Variants in PCDH15 observed in about 807,000 individuals in gnomAD.
The protein encoded by PCDH15 is protocadherin-15.
A neutral mutation model predicts 178.5 loss-of-function variants in PCDH15; 129 were observed. That is an observed-to-expected ratio of 0.72 (90% CI 0.63 to 0.84). The LOEUF (loss-of-function observed/expected upper bound fraction) is 0.84. Among genes scored for constraint, PCDH15 ranks in the 40% least tolerant of loss-of-function variants. The probability of loss-of-function intolerance (pLI) is 0.00; values close to 1 mark genes in which losing one functional copy is unlikely to be tolerated. For synonymous variants in PCDH15, 800 were observed against 732.0 expected (o/e 1.09, Z -1.50); for missense variants, 2,230 against 2,099.9 (o/e 1.06, Z -1.21).
chr10:53,846,016 ATG>A lies in PCDH15; in HGVS notation c.3807-5522_3807-5521del, dbSNP rs1354617886. ...TACAACTAGGTTATATCAATAGTGTATGTGTATACACACACACACACACACAC... is the reference window on the plus strand; with the variant it reads ...TACAACTAGGTTATATCAATAGTGTATGTATACACACACACACACACACAC... On this transcript the variant is annotated intron_variant, in intron 28 of 37. Transcript: ENST00000644397. 4.1e-4 allele frequency among the ~76,000 whole-genome samples: 55 copies of A among 133,138 alleles called. No individual in the cohort carries two copies. In the South Asian group the frequency reaches 8.9e-3, roughly 22 times the overall value. The allele number at this position is 133,138 out of a possible 152,430, so 87.3% of individuals were successfully genotyped here.
intron 20 of PCDH15, among the ~76,000 whole-genome samples, chr10:54,000,484 T>C (rs2092080789): frequency 1.3e-5 from 2 of 151,886 alleles, no homozygotes; most frequent in South Asian, 4.1e-4. Flanking sequence ...AACAAAGAGA[T>C]TGAAATAATT....
chr10:54,220,989 T>C (rs2052743575), intron 9 of PCDH15, among the ~76,000 whole-genome samples: 1 of 151,922 alleles, frequency 6.6e-6, no homozygotes, highest in Non-Finnish European at 1.5e-5. Flanking sequence ...TGTTTGTGCT[T>C]TCATTATACA....
intron 2 of PCDH15, among the ~76,000 whole-genome samples, chr10:55,497,987 G>T (rs2132135734): frequency 6.6e-6 from 1 of 151,926 alleles, no homozygotes; most frequent in Non-Finnish European, 1.5e-5. Context: ...GTATAAATCT[G>T]TTGGGTTTAG....
chr10:54,211,916 A>G (rs1490251799), intron 10 of PCDH15, among the ~76,000 whole-genome samples: 1 of 152,032 alleles, frequency 6.6e-6, no homozygotes, highest in African/African-American at 2.4e-5. Flanking sequence ...TTGACTTCAC[A>G]CAAAACATAG....
chr10:55,578,431 G>C (rs1053147160), intron 2 of PCDH15, among the ~76,000 whole-genome samples: 7 of 152,148 alleles, frequency 4.6e-5, no homozygotes, highest in Non-Finnish European at 5.9e-5. Flanking sequence ...ATGTTAGCCA[G>C]GATGGTCTCG....
chr10:54,920,621 T>C (rs1837463067), intron 2 of PCDH15, among the ~76,000 whole-genome samples: 1 of 152,166 alleles, frequency 6.6e-6, no homozygotes, highest in Non-Finnish European at 1.5e-5. Context: ...ATACTTTTAT[T>C]TTTCAACCAT....
chr10:54,383,476 C>A (rs1488176297), intron 3 of PCDH15, among the ~76,000 whole-genome samples: 4 of 151,956 alleles, frequency 2.6e-5, no homozygotes, highest in African/African-American at 7.2e-5. Context: ...AATAGAAAGA[C>A]GTTCAGGGAA....
At chr10:54,258,102 G>T (rs1281544923) in intron 8 of PCDH15, among the ~76,000 whole-genome samples, 4 of 152,048 alleles carry the variant, frequency 2.6e-5, no homozygotes. Context: ...CTCTGTGCTT[G>T]ATTTTTACCC....
At chr10:55,080,788 C>G (rs190585155) in intron 2 of PCDH15, among the ~76,000 whole-genome samples, 1 of 152,080 alleles carries the variant, frequency 6.6e-6, no homozygotes, top group Non-Finnish European at 1.5e-5. Flanking sequence ...AGGAAGGGAC[C>G]CTGCTCACTT....
At chr10:54,365,652 G>T (rs1946680430) in intron 5 of PCDH15, among the ~76,000 whole-genome samples, 1 of 152,194 alleles carries the variant, frequency 6.6e-6, no homozygotes, top group African/African-American at 2.4e-5. Context: ...TGTCGAGAAA[G>T]ATTTGTCTCC....
At chr10:54,361,381 T>C (rs1179355217) in intron 5 of PCDH15, among the ~76,000 whole-genome samples, 1 of 152,026 alleles carries the variant, frequency 6.6e-6, no homozygotes, top group Non-Finnish European at 1.5e-5. Flanking sequence ...GAATCATGAT[T>C]GGATGAAAGC....
intron 25 of PCDH15, among the ~76,000 whole-genome samples, chr10:53,904,726 A>G (rs1449183416): frequency 6.6e-6 from 1 of 152,174 alleles, no homozygotes; most frequent in Non-Finnish European, 1.5e-5. Flanking sequence ...GCCACCACAA[A>G]TCAGAATTCA....
intron 2 of PCDH15, among the ~76,000 whole-genome samples, chr10:55,520,349 T>C (rs1267941487): frequency 1.9e-4 from 25 of 131,744 alleles, no homozygotes; most frequent in African/African-American, 5.2e-4. Flanking sequence ...TATATATATA[T>C]ACACATTGTC....
At chr10:53,973,142 G>C (rs1208606519) in intron 21 of PCDH15, among the ~76,000 whole-genome samples, 1 of 151,990 alleles carries the variant, frequency 6.6e-6, no homozygotes, top group Non-Finnish European at 1.5e-5. Context: ...TCCTTTGTAG[G>C]GACATGGATG....
intron 2 of PCDH15, among the ~76,000 whole-genome samples, chr10:55,346,219 A>G (rs1367455194): frequency 1.3e-5 from 2 of 152,194 alleles, no homozygotes; most frequent in Non-Finnish European, 2.9e-5. Context: ...ACAGTTATAG[A>G]TATTTAAAAA....
chr10:55,388,791 A>C (rs1837724986), intron 2 of PCDH15, among the ~76,000 whole-genome samples: 1 of 152,068 alleles, frequency 6.6e-6, no homozygotes. Context: ...TCCTAGACTA[A>C]ATTTTACCAA....
chr10:54,144,154 G>A (rs2043668770), intron 14 of PCDH15, among the ~76,000 whole-genome samples: 1 of 151,990 alleles, frequency 6.6e-6, no homozygotes, highest in Admixed American at 6.6e-5. Context: ...TGATTTCTGG[G>A]TGGCCGTGAA....
At chr10:54,040,735 T>C (rs75219597) in intron 18 of PCDH15, among the ~76,000 whole-genome samples, 1,655 of 152,066 alleles carry the variant, frequency 0.011, 35 homozygotes, top group African/African-American at 0.039. Flanking sequence ...TTCAGAGACA[T>C]GATGAAAAAA....
intron 1 of PCDH15, among the ~76,000 whole-genome samples, chr10:54,751,487 A>C (rs545015515): frequency 6.6e-6 from 1 of 152,324 alleles, no homozygotes; most frequent in East Asian, 1.9e-4. Flanking sequence ...ACTCAAGAGT[A>C]ATCTAGCACA....
Sources: allele counts gnomAD v4.1 joint callset (sites outside exome capture counted in the v4.1 genomes callset), GRCh38; gene constraint gnomAD v4.1.1; transcripts MANE v1.5; gene names NCBI Gene and HGNC (gene_info 2026-07-23, HGNC 2026-07-21).